The following SLC35F4 variants were observed in gnomAD, a reference collection of about 807,000 sequenced individuals.
The protein encoded by SLC35F4 is solute carrier family 35 member F4, also known as chromosome 14 open reading frame 36.
Under a neutral mutation model 44.2 loss-of-function variants are expected in SLC35F4, and 24 were observed. That is an observed-to-expected ratio of 0.54 (90% CI 0.39 to 0.76). The LOEUF is 0.76. Ranked by LOEUF, SLC35F4 falls within the 30% of genes least tolerant of loss-of-function variation. SLC35F4 has a pLI of 0.00. For missense variants in SLC35F4, 562 were observed against 586.1 expected (o/e 0.96, Z 0.42); for synonymous variants, 238 against 223.6 (o/e 1.06, Z -0.57).
chr14:57,569,716 CTATGATGA>C, intron 6 of SLC35F4, 64 bp downstream of exon 6: 1 of 1,405,618 alleles, frequency 7.1e-7, no homozygotes, highest in South Asian at 1.6e-5. Flanking sequence ...GGAAATAATC[CTATGATGA>C]TAATCTAACT....
chr14:57,820,102 C>T (rs1883009473), intron 1 of SLC35F4, among the ~76,000 whole-genome samples: 1 of 152,084 alleles, frequency 6.6e-6, no homozygotes, highest in Non-Finnish European at 1.5e-5. Flanking sequence ...GCCTATACCA[C>T]ACCATAAATA....
intron 1 of SLC35F4, among the ~76,000 whole-genome samples, chr14:57,922,174 AT>A (rs555846099): frequency 2.0e-5 from 3 of 152,226 alleles, no homozygotes; most frequent in Non-Finnish European, 2.9e-5. Context: ...GATGTTCAAA[AT>A]TTTTTTAATT....
In SLC35F4 at chr14:57,721,338, C is replaced by T. The variant is rs139737475; in HGVS notation, c.104-127214G>A. Among the ~76,000 whole-genome samples the T allele has an allele frequency of 1.6e-3, 241 of 152,198 alleles. 1 individual carries two copies. Among genetic ancestry groups the T allele is most frequent in the Middle Eastern group, 6.8e-3 (2 of 294 alleles). ...AGGCAAGGAATTTAGTGACTCTGTA[C>T]ATAATACCTTTGACCATATGTGGAG... On this transcript the variant is annotated intron_variant, in intron 1 of 7. Coordinates refer to ENST00000556826, the MANE Select transcript of SLC35F4 (RefSeq NM_001306087.2).
At chr14:57,792,214 T>C (rs2077938467) in intron 1 of SLC35F4, among the ~76,000 whole-genome samples, 1 of 152,116 alleles carries the variant, frequency 6.6e-6, no homozygotes, top group African/African-American at 2.4e-5. Context: ...AATGCGATAC[T>C]ACCTCACTCC....
At chr14:57,932,159 T>A (rs1889709723) in intron 1 of SLC35F4, among the ~76,000 whole-genome samples, 1 of 152,188 alleles carries the variant, frequency 6.6e-6, no homozygotes. Flanking sequence ...AACTGTACCA[T>A]CAGCTTGCTA....
chr14:57,644,303 T>C (rs1006064776), intron 1 of SLC35F4, among the ~76,000 whole-genome samples: 8 of 152,106 alleles, frequency 5.3e-5, no homozygotes, highest in Non-Finnish European at 7.4e-5. Context: ...TTTTAATGAT[T>C]GCCATTCTAA....
rs140203686 is a variant in SLC35F4 at position 57,893,916 on chromosome 14, A to C, written n.282+87997T>G. Reference sequence around the variant, plus strand: ...CCAAACCAAACTAATTGCTGGGATTATTTTTACTTTTCATAGAAATTCAAA... The same window carrying C: ...CCAAACCAAACTAATTGCTGGGATTCTTTTTACTTTTCATAGAAATTCAAA... On this transcript the variant is annotated intron_variant and non_coding_transcript_variant, in intron 1 of 1. Transcript: ENST00000556568. Among the ~76,000 whole-genome samples, 1,006 of 152,238 alleles carry C rather than the reference A, an allele frequency of 6.6e-3. 10 individuals are homozygous for C. Among genetic ancestry groups the C allele is most frequent in the Middle Eastern group, 0.01 (3 of 294 alleles).
chr14:57,630,990 C>T, intron 1 of SLC35F4: 3 of 291,662 alleles, frequency 1.0e-5, no homozygotes, highest in Non-Finnish European at 1.5e-5. Flanking sequence ...TAATTTGCAA[C>T]ATTCTTTTAT....
At chr14:57,954,956 A>C (rs1594650887) in intron 1 of SLC35F4, among the ~76,000 whole-genome samples, 1 of 151,106 alleles carries the variant, frequency 6.6e-6, no homozygotes, top group Non-Finnish European at 1.5e-5. Flanking sequence ...ATTAAAAAAA[A>C]AAAAAAAAAA....
Position 57,727,137 on chromosome 14 carries a change from C to CAT in SLC35F4, c.104-133015_104-133014dup, listed in dbSNP as rs56125502. 2.0e-4 allele frequency among the ~76,000 whole-genome samples: 24 copies of CAT among 120,238 alleles called. No homozygotes were observed. The East Asian group carries it at 5.2e-3, about 26-fold the overall frequency. The allele number at this position is 120,238 out of a possible 152,430, so 78.9% of individuals were successfully genotyped here. A position where few individuals can be genotyped will look rare whatever the true frequency, so the allele number is the denominator to read the frequency against. ...GCTCATATATATATGTATATATGTACATATATATATATATGTATTCTATTA... is the reference window on the plus strand; with the variant it reads ...GCTCATATATATATGTATATATGTACATATATATATATATATGTATTCTATTA... On this transcript the variant is annotated intron_variant, in intron 1 of 7. Transcript: ENST00000556826.
chr14:57,838,387 G>A lies in SLC35F4; in HGVS notation c.103+27336C>T, dbSNP rs185834781. On this transcript the variant is annotated intron_variant, in intron 1 of 7. Coordinates refer to ENST00000556826, the MANE Select transcript of SLC35F4 (RefSeq NM_001306087.2). ...GTGCTCAAACTATCTTCTAGTCAGGGGCCAGCAATACGTATGTCTGAGTTT... is the reference window on the plus strand; with the variant it reads ...GTGCTCAAACTATCTTCTAGTCAGGAGCCAGCAATACGTATGTCTGAGTTT... 1.1e-3 allele frequency among the ~76,000 whole-genome samples: 172 copies of A among 152,144 alleles called. 2 individuals carry two copies. The highest frequency in any genetic ancestry group is 9.5e-3 in the East Asian group (49 of 5,174).
intron 1 of SLC35F4, among the ~76,000 whole-genome samples, chr14:57,940,215 C>T (rs1889891394): frequency 6.6e-6 from 1 of 152,082 alleles, no homozygotes; most frequent in South Asian, 2.1e-4. Context: ...TTGAAGTATC[C>T]CTTAAGGGAG....
At chr14:57,715,308 C>G (rs2075913782) in intron 1 of SLC35F4, among the ~76,000 whole-genome samples, 1 of 152,262 alleles carries the variant, frequency 6.6e-6, no homozygotes, top group South Asian at 2.1e-4. Flanking sequence ...AGGAAAATTA[C>G]CCAGAAGTGA....
chr14:57,734,842 G>C (rs1351366251), intron 1 of SLC35F4, among the ~76,000 whole-genome samples: 2 of 152,068 alleles, frequency 1.3e-5, no homozygotes, highest in African/African-American at 4.8e-5. Flanking sequence ...TGACTTCCAG[G>C]TGACTTCATT....
At chr14:57,709,401 G>A (rs1276285671) in intron 1 of SLC35F4, among the ~76,000 whole-genome samples, 1 of 151,748 alleles carries the variant, frequency 6.6e-6, no homozygotes, top group African/African-American at 2.4e-5. Context: ...TGTATGACCT[G>A]GTTTTTCCTA....
intron 1 of SLC35F4, among the ~76,000 whole-genome samples, chr14:57,733,189 T>C (rs2076382751): frequency 6.6e-6 from 1 of 152,102 alleles, no homozygotes; most frequent in Non-Finnish European, 1.5e-5. Context: ...TCAGAAACAC[T>C]AGCTCTCCGG....
chr14:57,822,490 T>TA (rs950228171), intron 1 of SLC35F4, among the ~76,000 whole-genome samples: 1 of 152,166 alleles, frequency 6.6e-6, no homozygotes, highest in African/African-American at 2.4e-5. Flanking sequence ...TACAGTCACC[T>TA]AAAAAATTCT....
At chr14:57,945,843 T>C (rs1890016511) in intron 1 of SLC35F4, among the ~76,000 whole-genome samples, 1 of 152,222 alleles carries the variant, frequency 6.6e-6, no homozygotes, top group Non-Finnish European at 1.5e-5. Context: ...AATCGCATTG[T>C]GGTTTTCATT....
intron 1 of SLC35F4, among the ~76,000 whole-genome samples, chr14:57,927,396 A>C (rs1889599155): frequency 6.6e-6 from 1 of 151,836 alleles, no homozygotes; most frequent in East Asian, 1.9e-4. Flanking sequence ...TCGCCACTCT[A>C]GAATTTTCTG....
Sources: gnomAD v4.1 joint callset for allele counts (sites outside exome capture counted in the v4.1 genomes callset) on GRCh38, gnomAD v4.1.1 for gene constraint, MANE v1.5 for transcripts, NCBI Gene and HGNC (gene_info 2026-07-23, HGNC 2026-07-21) for gene names.